MACROD2: variants seen among roughly 807,000 people sequenced by gnomAD.
MACROD2 encodes ADP-ribose glycohydrolase MACROD2.
MACROD2 carries 36 observed loss-of-function variants against 70.4 expected under a neutral mutation model. The ratio of observed to expected loss-of-function variants is 0.51; its 90% confidence interval spans 0.39 to 0.68. The LOEUF is 0.68. MACROD2 is among the 30% of genes least tolerant of loss of function. The pLI is 0.00. For synonymous variants in MACROD2, 172 were observed against 178.8 expected (o/e 0.96, Z 0.30); for missense variants, 496 against 538.4 (o/e 0.92, Z 0.78).
intron 6 of MACROD2, among the ~76,000 whole-genome samples, chr20:15,350,196 T>A (rs1208117428): frequency 6.6e-6 from 1 of 152,162 alleles, no homozygotes. Context: ...GCATTTGTTT[T>A]TTCGTCATTA....
At chr20:15,680,360 G>A (rs1410948782) in intron 8 of MACROD2, among the ~76,000 whole-genome samples, 1 of 152,116 alleles carries the variant, frequency 6.6e-6, no homozygotes, top group Non-Finnish European at 1.5e-5. Flanking sequence ...AGTTTGGTGA[G>A]GATTTTACTG....
Position 14,082,104 on chromosome 20 carries a change from C to G in MACROD2, c.164-3517C>G, listed in dbSNP as rs558921642. ...ATTTGCAGATGACAGATTAGAGTTT[C>G]TTTTGAAACAACTGAACGGTGGTAT... On this transcript the variant is annotated intron_variant, in intron 2 of 17. Transcript: ENST00000684519. 2.0e-5 allele frequency among the ~76,000 whole-genome samples: 3 copies of G among 147,808 alleles called. 1 individual carries two copies. The South Asian group carries it at 6.5e-4, about 32-fold the overall frequency.
intron 5 of MACROD2, among the ~76,000 whole-genome samples, chr20:14,783,970 T>G (rs947838407): frequency 6.6e-6 from 1 of 152,042 alleles, no homozygotes; most frequent in African/African-American, 2.4e-5. Flanking sequence ...AAGTAAATTC[T>G]TGAAGTCAGA....
At chr20:14,368,562 A>C (rs1600168421) in intron 3 of MACROD2, among the ~76,000 whole-genome samples, 1 of 151,914 alleles carries the variant, frequency 6.6e-6, no homozygotes, top group African/African-American at 2.4e-5. Flanking sequence ...ACACACACAC[A>C]CAAAACTGGG....
chr20:15,772,992 G>T (rs1568552987), intron 8 of MACROD2, among the ~76,000 whole-genome samples: 2 of 152,066 alleles, frequency 1.3e-5, no homozygotes, highest in African/African-American at 4.8e-5. Context: ...GATAAGATTT[G>T]GGTGGGGATA....
In MACROD2 at chr20:15,425,042, G is replaced by A. The variant is rs6043269; in HGVS notation, c.541-6363G>A. 3.3e-5 allele frequency among the ~76,000 whole-genome samples: 5 copies of A among 152,138 alleles called. No individual in the cohort carries two copies. The South Asian group carries it at 6.2e-4, about 19-fold the overall frequency. ...CTGGCATGAAAAAAGAAAGAGCTAC[G>A]CGCAAAACTTTCAGAGAGGGTGGCA... On this transcript the variant is annotated intron_variant, in intron 6 of 17. Transcript: ENST00000684519.
intron 6 of MACROD2, among the ~76,000 whole-genome samples, chr20:15,286,961 A>C (rs1236232657): frequency 6.6e-6 from 1 of 152,148 alleles, no homozygotes; most frequent in African/African-American, 2.4e-5. Flanking sequence ...CTTTTTATTT[A>C]GAAAAAAAAA....
chr20:14,015,322 C>A (rs2052973064), intron 2 of MACROD2, among the ~76,000 whole-genome samples: 1 of 152,162 alleles, frequency 6.6e-6, no homozygotes, highest in African/African-American at 2.4e-5. Flanking sequence ...TGGCTTGCTC[C>A]TGTAATCCCA....
intron 6 of MACROD2, among the ~76,000 whole-genome samples, chr20:15,400,797 C>T (rs934105195): frequency 6.6e-6 from 1 of 152,188 alleles, no homozygotes; most frequent in African/African-American, 2.4e-5. Context: ...ACCATGAGAG[C>T]TTTGGTATTA....
intron 4 of MACROD2, among the ~76,000 whole-genome samples, chr20:14,494,608 T>A (rs1035474115): frequency 3.9e-5 from 6 of 152,188 alleles, no homozygotes; most frequent in African/African-American, 1.4e-4. Flanking sequence ...AAGCCTCAGT[T>A]ACCTCATCTT....
In MACROD2 at chr20:14,753,119, T is replaced by G. The variant is rs1056801642; in HGVS notation, c.418+68160T>G. 3.3e-5 allele frequency among the ~76,000 whole-genome samples: 5 copies of G among 152,104 alleles called. 1 individual carries two copies. In the South Asian group the frequency reaches 1.0e-3, roughly 31 times the overall value. On this transcript the variant is annotated intron_variant, in intron 5 of 17. Coordinates refer to ENST00000684519, the MANE Select transcript of MACROD2 (RefSeq NM_001351661.2). Reference sequence around the variant, plus strand: ...CCTAGTTAACTCCTATTTATTTTTCTGAACCCACCTCATTCCTGTGACAGA... The same window carrying G: ...CCTAGTTAACTCCTATTTATTTTTCGGAACCCACCTCATTCCTGTGACAGA...
chr20:15,305,620 C>A (rs946021458), intron 6 of MACROD2, among the ~76,000 whole-genome samples: 1 of 151,758 alleles, frequency 6.6e-6, no homozygotes. Flanking sequence ...CCATTAGGAG[C>A]CAGTCAGAGC....
chr20:14,910,592 C>T (rs2074014726), intron 5 of MACROD2, among the ~76,000 whole-genome samples: 1 of 152,204 alleles, frequency 6.6e-6, no homozygotes, highest in Admixed American at 6.5e-5. Context: ...TAGGCTTCCT[C>T]CACCATTTGT....
intron 5 of MACROD2, among the ~76,000 whole-genome samples, chr20:15,072,052 A>G (rs556521921): frequency 6.6e-6 from 1 of 152,214 alleles, no homozygotes; most frequent in Non-Finnish European, 1.5e-5. Context: ...AACAAGGACA[A>G]TAAATGATTT....
intron 5 of MACROD2, among the ~76,000 whole-genome samples, chr20:15,216,992 T>C (rs1178062272): frequency 2.0e-5 from 3 of 152,108 alleles, no homozygotes; most frequent in African/African-American, 7.2e-5. Flanking sequence ...TTAAAAACAT[T>C]TGGAAATGCA....
intron 5 of MACROD2, among the ~76,000 whole-genome samples, chr20:14,868,191 TC>T (rs200762657): frequency 0.048 from 6,900 of 145,170 alleles, 248 homozygotes; most frequent in African/African-American, 0.095. Flanking sequence ...TTTCTTTCTT[TC>T]TTTTTTTTTT....
At chr20:14,760,448 T>C (rs1277139153) in intron 5 of MACROD2, among the ~76,000 whole-genome samples, 1 of 152,138 alleles carries the variant, frequency 6.6e-6, no homozygotes, top group Non-Finnish European at 1.5e-5. Flanking sequence ...TTAGTTCTTA[T>C]TATTTTCTGG....
chr20:15,862,923 C>A, intron 9 of MACROD2, 97 bp downstream of exon 9: 1 of 874,988 alleles, frequency 1.1e-6, no homozygotes, highest in African/African-American at 1.7e-5. Context: ...AGGACTGTTA[C>A]ACATGGTGAT....
intron 5 of MACROD2, among the ~76,000 whole-genome samples, chr20:14,732,281 T>A (rs2071608301): frequency 6.6e-6 from 1 of 152,130 alleles, no homozygotes; most frequent in Non-Finnish European, 1.5e-5. Context: ...TGGGGGCAGG[T>A]GTTTCTAGTA....
Sources: gnomAD v4.1 joint callset for allele counts (sites outside exome capture counted in the v4.1 genomes callset) on GRCh38, gnomAD v4.1.1 for gene constraint, MANE v1.5 for transcripts, NCBI Gene and HGNC (gene_info 2026-07-23, HGNC 2026-07-21) for gene names.